Variants in ROR1 observed in about 807,000 individuals in gnomAD.
ROR1 encodes the protein ROR family WNT receptor 1, also known as inactive tyrosine-protein kinase transmembrane receptor ROR1.
A neutral mutation model predicts 78.8 loss-of-function variants in ROR1; 19 were observed. That is an observed-to-expected ratio of 0.24 (90% CI 0.17 to 0.35). ROR1 has a LOEUF of 0.35. Ranked by LOEUF, ROR1 falls within the 10% of genes least tolerant of loss-of-function variation. The pLI, the probability that ROR1 is intolerant of heterozygous loss-of-function variation, is 1.00. For missense variants in ROR1, 917 were observed against 1,177.8 expected (o/e 0.78, Z 3.24); for synonymous variants, 386 against 433.6 (o/e 0.89, Z 1.36).
chr1:63,803,959 A>G (rs1292352615), intron 1 of ROR1, among the ~76,000 whole-genome samples: 1 of 152,362 alleles, frequency 6.6e-6, no homozygotes, highest in East Asian at 1.9e-4. Context: ...AAACTCAGTG[A>G]AAATAATGTT....
intron 1 of ROR1, among the ~76,000 whole-genome samples, chr1:64,004,679 G>A (rs1158563417): frequency 9.9e-5 from 15 of 152,172 alleles, no homozygotes; most frequent in Admixed American, 9.2e-4. Context: ...TGTGAATGTT[G>A]GGTCTTTACC....
chr1:64,125,693 G>A (rs1267809504), intron 4 of ROR1, among the ~76,000 whole-genome samples: 2 of 152,158 alleles, frequency 1.3e-5, no homozygotes, highest in African/African-American at 4.8e-5. Context: ...CTTATGGGGA[G>A]TTCGCCTAGT....
intron 1 of ROR1, among the ~76,000 whole-genome samples, chr1:63,938,599 T>G (rs855942): frequency 0.66 from 99,882 of 152,152 alleles, 37,524 homozygotes; most frequent in East Asian, 0.94. Context: ...GGATTGCTGT[T>G]CAATGAAATC....
chr1:63,776,766 C>G (rs896455369), intron 1 of ROR1, among the ~76,000 whole-genome samples: 5 of 152,128 alleles, frequency 3.3e-5, no homozygotes, highest in South Asian at 4.2e-4. Context: ...GAGGGTCTGT[C>G]TCTCTTCTCT....
chr1:64,008,847 C>T (rs1404384758), intron 1 of ROR1, among the ~76,000 whole-genome samples: 1 of 152,012 alleles, frequency 6.6e-6, no homozygotes, highest in African/African-American at 2.4e-5. Context: ...GTTGGTCAGG[C>T]TGGTCTCGAA....
At chr1:63,836,390 T>C (rs1645018988) in intron 1 of ROR1, among the ~76,000 whole-genome samples, 1 of 152,178 alleles carries the variant, frequency 6.6e-6, no homozygotes, top group South Asian at 2.1e-4. Flanking sequence ...TGTCTATAGA[T>C]GTGGAATGCC....
In ROR1 at chr1:63,916,788, C is replaced by T. The variant is rs142822918; in HGVS notation, c.92-92517C>T. ...GCCCAGGGTGCCAGTGATCTCATGG[C>T]TAAAGTGGATCATTTTACTCTCCTG... On this transcript the variant is annotated intron_variant, in intron 1 of 8. Transcript: ENST00000371079. Among the ~76,000 whole-genome samples, 492 of 152,242 alleles carry T rather than the reference C, an allele frequency of 3.2e-3. 4 individuals carry two copies. Among genetic ancestry groups the T allele is most frequent in the African/African-American group, 0.012 (480 of 41,552 alleles).
intron 1 of ROR1, among the ~76,000 whole-genome samples, chr1:63,868,671 C>A (rs189798569): frequency 6.6e-6 from 1 of 152,144 alleles, no homozygotes; most frequent in Non-Finnish European, 1.5e-5. Flanking sequence ...TTATCTCTGG[C>A]GAGGTGCTGA....
chr1:64,064,248 G>A (rs1044186889), intron 4 of ROR1, among the ~76,000 whole-genome samples: 1 of 152,206 alleles, frequency 6.6e-6, no homozygotes, highest in African/African-American at 2.4e-5. Flanking sequence ...CCAGAGCCTA[G>A]GTTTGGGGTC....
intron 1 of ROR1, among the ~76,000 whole-genome samples, chr1:63,806,369 G>C (rs1489045326): frequency 6.7e-6 from 1 of 148,896 alleles, no homozygotes; most frequent in Non-Finnish European, 1.5e-5. Flanking sequence ...CCAGGCTGGA[G>C]TGCAGTGGCA....
chr1:63,846,355 T>C (rs1645081762), intron 1 of ROR1, among the ~76,000 whole-genome samples: 1 of 152,166 alleles, frequency 6.6e-6, no homozygotes, highest in Non-Finnish European at 1.5e-5. Context: ...TCTGGCTTGC[T>C]CTCAGGCTGT....
intron 2 of ROR1, among the ~76,000 whole-genome samples, chr1:64,045,755 T>A (rs1401269481): frequency 6.6e-6 from 1 of 152,204 alleles, no homozygotes; most frequent in Non-Finnish European, 1.5e-5. Context: ...GAAATCATTA[T>A]TGTTGTCAGT....
chr1:64,044,547 T>C (rs1226832290), intron 2 of ROR1, among the ~76,000 whole-genome samples: 1 of 152,206 alleles, frequency 6.6e-6, no homozygotes, highest in Admixed American at 6.5e-5. Flanking sequence ...TTAATTGTAT[T>C]AAATCTTGAC....
Position 64,179,027 on chromosome 1 carries a change from A to T in ROR1, c.*172A>T. On this transcript the variant is annotated 3_prime_UTR_variant, in exon 9 of 9. Coordinates refer to ENST00000371079, the MANE Select transcript of ROR1 (RefSeq NM_005012.4). ...AAGCAGGACAGACACTCGGCCAGAA[A>T]AAAAAAAAAAAAAAAAAAACAAGCA... 5.0e-5 allele frequency: 17 copies of T among 340,260 alleles called. No homozygotes were observed. Among genetic ancestry groups the T allele is most frequent in the South Asian group, 1.9e-4 (4 of 21,182 alleles). 21.1% of individuals were successfully genotyped at this position (340,260 alleles called of 1,614,324 possible).
At chr1:63,996,993 G>C (rs1330356228) in intron 1 of ROR1, among the ~76,000 whole-genome samples, 1 of 152,168 alleles carries the variant, frequency 6.6e-6, no homozygotes, top group Admixed American at 6.5e-5. Flanking sequence ...GCTAATGTCT[G>C]TTCTGTGTAC....
chr1:64,050,537 G>A, intron 3 of ROR1, 149 bp from the exon 4 acceptor site: 2 of 746,668 alleles, frequency 2.7e-6, no homozygotes, highest in East Asian at 5.0e-5. Context: ...AGATGGTTGG[G>A]GGAATAGAGC....
intron 1 of ROR1, among the ~76,000 whole-genome samples, chr1:63,802,087 C>A (rs1644801173): frequency 6.6e-6 from 1 of 152,138 alleles, no homozygotes; most frequent in African/African-American, 2.4e-5. Context: ...ATTTCACTTT[C>A]CAAAGAATTG....
At chr1:63,820,259 C>T (rs924642074) in intron 1 of ROR1, among the ~76,000 whole-genome samples, 2 of 152,158 alleles carry the variant, frequency 1.3e-5, no homozygotes, top group African/African-American at 2.4e-5. Flanking sequence ...GTGGCTCTCC[C>T]TGTCCCCCTG....
intron 1 of ROR1, among the ~76,000 whole-genome samples, chr1:63,813,856 T>C (rs973102546): frequency 2.6e-5 from 4 of 152,258 alleles, no homozygotes; most frequent in African/African-American, 9.6e-5. Context: ...GAGCTATTTT[T>C]TCTTCCTACT....
Sources: allele counts gnomAD v4.1 joint callset (sites outside exome capture counted in the v4.1 genomes callset), GRCh38; gene constraint gnomAD v4.1.1; transcripts MANE v1.5; gene names NCBI Gene and HGNC (gene_info 2026-07-23, HGNC 2026-07-21).